The following MLLT1 variants were observed in gnomAD, a reference collection of about 807,000 sequenced individuals.
The protein encoded by MLLT1 is protein ENL.
In MLLT1, 11 loss-of-function variants were observed where a neutral mutation model predicts 55.1. The ratio of observed to expected loss-of-function variants is 0.20; its 90% CI spans 0.13 to 0.33. MLLT1 has a LOEUF of 0.33. MLLT1 is among the 10% of genes least tolerant of loss of function. The probability of loss-of-function intolerance (pLI) is 1.00; values close to 1 mark genes in which losing one functional copy is unlikely to be tolerated. For synonymous variants in MLLT1, 323 were observed against 320.1 expected, an observed-to-expected ratio of 1.01 and a Z score of -0.10; for missense variants, 536 against 760.6, an observed-to-expected ratio of 0.70 and a Z score of 3.47.
intron 3 of MLLT1, among the ~76,000 whole-genome samples, chr19:6,260,047 A>G (rs1438185365): frequency 6.6e-6 from 1 of 152,178 alleles, no homozygotes; most frequent in Non-Finnish European, 1.5e-5. Context: ...GGGGCCTTCC[A>G]GAGGAACCAG....
chr19:6,273,129 A>G lies in MLLT1; in HGVS notation c.13-2370T>C, dbSNP rs4807858. Among the ~76,000 whole-genome samples, 90,590 of 151,596 alleles carry G rather than the reference A, an allele frequency of 0.6. 28,364 individuals carry two copies. Among genetic ancestry groups the G allele is most frequent in the African/African-American group, 0.77 (31,918 of 41,276 alleles). ...GAGACAAAAGAAATAACCCGTCGTC[A>G]TAAGTGGCTGACAGATATGGGAAAC... On this transcript the variant is annotated intron_variant, in intron 1 of 11. Transcript: ENST00000252674. The surrounding 1 kb of genome is among the most constrained non-coding windows in gnomAD (Gnocchi z 4.3).
At position 6,229,881 on chromosome 19, in the gene MLLT1, C is replaced by T. The variant is rs535820161; in HGVS notation, c.420+689G>A. On this transcript the variant is annotated intron_variant, in intron 4 of 11. Coordinates refer to ENST00000252674, the MANE Select transcript of MLLT1 (RefSeq NM_005934.4). This position sits in a 1 kb window ranked among gnomAD's most constrained non-coding sequence, Gnocchi z 5.2. ...CACACACCGCACACGACACACAACA[C>T]GCCACCCCAGCCCGCTCCATCACAG... Among the ~76,000 whole-genome samples the T allele has an allele frequency of 2.0e-5, 3 of 151,992 alleles. No homozygotes were observed. Among genetic ancestry groups the T allele is most frequent in the Non-Finnish European group, 2.9e-5 (2 of 67,942 alleles).
In MLLT1 at chr19:6,273,014, G is replaced by C. The variant is rs1362184769; in HGVS notation, c.13-2255C>G. 6.6e-6 allele frequency among the ~76,000 whole-genome samples: 1 copy of C among 152,178 alleles called. No homozygotes were observed. Among genetic ancestry groups the C allele is most frequent in the Non-Finnish European group, 1.5e-5 (1 of 68,022 alleles). Reference sequence around the variant, plus strand: ...GGCAGAGGGGATTCCCTTGGCTCAGGACGACTGTCCCTCTGGAGTTCCCTG... The same window carrying C: ...GGCAGAGGGGATTCCCTTGGCTCAGCACGACTGTCCCTCTGGAGTTCCCTG... On this transcript the variant is annotated intron_variant, in intron 1 of 11. Transcript: ENST00000252674. The surrounding 1 kb of genome is among the most constrained non-coding windows in gnomAD (Gnocchi z 4.3).
In MLLT1 at chr19:6,225,839, C is replaced by T. The variant is rs1157912593; in HGVS notation, c.546+1138G>A. Among the ~76,000 whole-genome samples, 5 of 152,208 alleles carry T rather than the reference C, an allele frequency of 3.3e-5. No homozygotes were observed. In the East Asian group the frequency reaches 9.6e-4, roughly 29 times the overall value. On this transcript the variant is annotated intron_variant, in intron 5 of 11. Coordinates refer to ENST00000252674, the MANE Select transcript of MLLT1 (RefSeq NM_005934.4). ...CAGGGTTTTAGGTGGCTTGAAGTGACCCGTACAGAAGAAATCTTGTTGTGG... is the reference window on the plus strand; with the variant it reads ...CAGGGTTTTAGGTGGCTTGAAGTGATCCGTACAGAAGAAATCTTGTTGTGG...
rs199693873 is a variant in MLLT1, at chr19:6,230,746, G to C, written c.277-33C>G. The C allele has an allele frequency of 6.2e-7, 1 of 1,611,926 alleles. No individual in the cohort carries two copies. Among genetic ancestry groups the C allele is most frequent in the Admixed American group, 1.7e-5 (1 of 59,966 alleles). On this transcript the variant is annotated intron_variant, in intron 3 of 11. Coordinates refer to ENST00000252674, the MANE Select transcript of MLLT1 (RefSeq NM_005934.4). This position sits in a 1 kb window ranked among gnomAD's most constrained non-coding sequence, Gnocchi z 9.0. ...AGAGAAAACAAGAAAGTCTGCATCA[G>C]AGGGTGGCCGTGGTGCAGGGACACA... is the stretch of plus-strand genomic sequence containing the variant.
rs1055664183 is a variant in MLLT1 at position 6,216,519 on chromosome 19, G to A, written c.1199-6C>T. 3 of 1,568,056 alleles carry A rather than the reference G, an allele frequency of 1.9e-6. No homozygotes were observed. The highest frequency in any genetic ancestry group is 1.3e-5 in the African/African-American group (1 of 74,086). ...CACCATGGAGCGCAGGGGTCCTGGG[G>A]AGGCGGGGCAGGGAGGGAGGGGAGA... is the stretch of plus-strand genomic sequence containing the variant. On this transcript the variant is annotated splice_region_variant and splice_polypyrimidine_tract_variant and intron_variant, in intron 7 of 11. Coordinates refer to ENST00000252674, the MANE Select transcript of MLLT1 (RefSeq NM_005934.4).
At chr19:6,271,940 T>C (rs538143106) in intron 1 of MLLT1, among the ~76,000 whole-genome samples, 3 of 152,344 alleles carry the variant, frequency 2.0e-5, no homozygotes, top group African/African-American at 7.2e-5. Context: ...TGTCTCTTCT[T>C]TGGCATTTCG....
chr19:6,228,917 G>C (rs2090979903), intron 4 of MLLT1, among the ~76,000 whole-genome samples: 1 of 152,118 alleles, frequency 6.6e-6, no homozygotes, highest in Non-Finnish European at 1.5e-5. Context: ...TCTCTCTGTG[G>C]AGCCAGCGCT....
chr19:6,259,820 A>G (rs1555709787), intron 3 of MLLT1: 1 of 150,612 alleles, frequency 6.6e-6, no homozygotes, highest in Non-Finnish European at 1.5e-5. Context: ...AAAAAAAAAA[A>G]CAGAAAAACT....
intron 3 of MLLT1, among the ~76,000 whole-genome samples, chr19:6,239,554 C>T (rs564817730): frequency 2.2e-4 from 33 of 152,172 alleles, no homozygotes; most frequent in Non-Finnish European, 2.9e-4. Context: ...CACACGCATG[C>T]GTACACACAC....
chr19:6,216,116 G>A (rs993988430), intron 8 of MLLT1, among the ~76,000 whole-genome samples: 1 of 151,998 alleles, frequency 6.6e-6, no homozygotes, highest in African/African-American at 2.4e-5. Context: ...ACCCCTCCCT[G>A]CCAGATAGCC....
intron 3 of MLLT1, among the ~76,000 whole-genome samples, chr19:6,238,640 T>C (rs2091084917): frequency 6.6e-6 from 1 of 152,234 alleles, no homozygotes; most frequent in Non-Finnish European, 1.5e-5. Context: ...ACCACCTGTG[T>C]CCCTTCCACC....
chr19:6,246,540 G>A (rs1451776947), intron 3 of MLLT1, among the ~76,000 whole-genome samples: 1 of 152,126 alleles, frequency 6.6e-6, no homozygotes, highest in Non-Finnish European at 1.5e-5. Flanking sequence ...AGATACAAAA[G>A]GGCTACATAT....
At position 6,256,254 on chromosome 19, in the gene MLLT1, T is replaced by TAAATAAATAAATAAAA. The variant is rs776012193; in HGVS notation, c.276+5973_276+5974insTTTTATTTATTTATTT. 6.7e-6 allele frequency among the ~76,000 whole-genome samples: 1 copy of TAAATAAATAAATAAAA among 148,304 alleles called. No individual in the cohort carries two copies. The highest frequency in any genetic ancestry group is 6.7e-5 in the Admixed American group (1 of 14,900). ...ATAAATAAATAAATAAATAAATAAA[T>TAAATAAATAAATAAAA]AAAAAGACCAGCCTGGGCAACACAA... On this transcript the variant is annotated intron_variant, in intron 3 of 11. Transcript: ENST00000252674. This position sits in a 1 kb window ranked among gnomAD's most constrained non-coding sequence, Gnocchi z 4.1.
chr19:6,228,658 C>G (rs2090976638), intron 4 of MLLT1, among the ~76,000 whole-genome samples: 1 of 152,196 alleles, frequency 6.6e-6, no homozygotes, highest in Admixed American at 6.5e-5. Context: ...CTCCCAGCAC[C>G]CACGGCGGGG....
chr19:6,269,964 A>T (rs570264346), intron 2 of MLLT1, among the ~76,000 whole-genome samples: 1 of 152,014 alleles, frequency 6.6e-6, no homozygotes, highest in African/African-American at 2.4e-5. Flanking sequence ...TCCCCACCAC[A>T]GCCTTTCCCT....
rs901464399 is a variant in MLLT1, at chr19:6,229,273, C to T, written c.420+1297G>A. Among the ~76,000 whole-genome samples the T allele has an allele frequency of 2.0e-5, 3 of 152,164 alleles. No homozygotes were observed. Among genetic ancestry groups the T allele is most frequent in the Admixed American group, 1.3e-4 (2 of 15,284 alleles). On this transcript the variant is annotated intron_variant, in intron 4 of 11. Transcript: ENST00000252674. The surrounding 1 kb of genome is among the most constrained non-coding windows in gnomAD (Gnocchi z 5.2). ...ACTCAGCCACGCCATCCACATAGGC[C>T]CACGCCGGCACTGCCCTCCCCGGAT...
chr19:6,223,728 G>A (rs940761686), intron 5 of MLLT1, among the ~76,000 whole-genome samples: 1 of 152,110 alleles, frequency 6.6e-6, no homozygotes, highest in Non-Finnish European at 1.5e-5. Flanking sequence ...CACCCCATCC[G>A]ATAGGCACAC....
chr19:6,275,263 C>T (rs2091422278), intron 1 of MLLT1, among the ~76,000 whole-genome samples: 1 of 152,168 alleles, frequency 6.6e-6, no homozygotes, highest in Non-Finnish European at 1.5e-5. Context: ...ATCTAATTCC[C>T]TCGGAGGCAA....
Sources: allele counts gnomAD v4.1 joint callset (sites outside exome capture counted in the v4.1 genomes callset), GRCh38; gene constraint gnomAD v4.1.1; non-coding constraint Gnocchi (gnomAD v3.1); transcripts MANE v1.5; gene names NCBI Gene and HGNC (gene_info 2026-07-23, HGNC 2026-07-21).